Variants in MCF2L observed in about 807,000 individuals in gnomAD.
The protein encoded by MCF2L is MCF.2 cell line derived transforming sequence like.
A neutral mutation model predicts 153.4 loss-of-function variants in MCF2L; 97 were observed. The observed-to-expected ratio is 0.63, with a 90% CI of 0.54 to 0.75. The LOEUF is 0.75. MCF2L is among the 30% of genes least tolerant of loss of function. MCF2L has a pLI of 0.00. For missense variants in MCF2L, 1,347 were observed against 1,495.2 expected, an observed-to-expected ratio of 0.90 and a Z score of 1.64; for synonymous variants, 659 against 632.2, an observed-to-expected ratio of 1.04 and a Z score of -0.64.
Position 113,064,822 on chromosome 13 carries a change from C to G in MCF2L, c.607-114C>G, listed in dbSNP as rs973990748. The G allele has an allele frequency of 2.9e-5, 35 of 1,205,868 alleles. No individual in the cohort carries two copies. Among genetic ancestry groups the G allele is most frequent in the Non-Finnish European group, 3.9e-5 (34 of 866,634 alleles). 74.7% of individuals were successfully genotyped at this position (1,205,868 alleles called of 1,614,324 possible). A position where few individuals can be genotyped will look rare whatever the true frequency, so the allele number is the denominator to read the frequency against. On this transcript the variant is annotated intron_variant, in intron 6 of 29. Transcript: ENST00000535094. This position sits in a 1 kb window ranked among gnomAD's most constrained non-coding sequence, Gnocchi z 6.0. ...GGGCGTTCACCGTCTTTGCGTCAGC[C>G]GGTCTCACCTGATGGGTCTGTGTGG...
At chr13:113,096,329 C>T (rs764138312) in intron 27 of MCF2L, 42 bp from the exon 28 acceptor site, 28 of 1,437,224 alleles carry the variant, frequency 1.9e-5, no homozygotes, top group Admixed American at 3.9e-5. Flanking sequence ...GCTGCCGGGG[C>T]GGGTGCTGAC....
chr13:112,945,335 C>T (rs1265599414), intron 2 of MCF2L, among the ~76,000 whole-genome samples: 2 of 152,108 alleles, frequency 1.3e-5, no homozygotes, highest in Non-Finnish European at 2.9e-5. Context: ...ATGTATGGGC[C>T]ACCAATGCAA....
chr13:113,010,112 CA>C (rs2083983891), intron 1 of MCF2L: 1 of 143,304 alleles, frequency 7.0e-6, no homozygotes, highest in African/African-American at 2.6e-5. Context: ...GTCCACCCCC[CA>C]TACCCCCCCC....
At chr13:112,975,165 A>G (rs1355134629) in intron 1 of MCF2L, among the ~76,000 whole-genome samples, 2 of 152,218 alleles carry the variant, frequency 1.3e-5, no homozygotes, top group Non-Finnish European at 2.9e-5. Flanking sequence ...GCCTTTTGGA[A>G]TGTTTACAAG....
At position 113,014,785 on chromosome 13, in the gene MCF2L, C is replaced by T. The variant is rs139777066; in HGVS notation, c.102C>T (p.Ile34=). Residue 34 remains isoleucine, a synonymous_variant, in exon 2 of 30, where the codon ATC becomes ATT. Transcript: ENST00000535094. ...CAGATGAAATCATGCACCAGGACAT[C>T]GTCCCGCTCTGTGCTGCCGACATCC... ...KHTDEIMHQD[I]VPLCAADIQD... is the part of the protein sequence containing the mutation. 199 of 1,613,892 alleles carry T rather than the reference C, an allele frequency of 1.2e-4. 1 individual carries two copies. Among genetic ancestry groups the T allele is most frequent in the South Asian group, 5.8e-4 (53 of 91,088 alleles).
chr13:113,080,499 C>G (rs550309383), intron 15 of MCF2L, among the ~76,000 whole-genome samples: 17 of 152,352 alleles, frequency 1.1e-4, no homozygotes, highest in African/African-American at 4.1e-4. Flanking sequence ...GCTTGCTGAA[C>G]AACCTCAACC....
chr13:113,077,772 T>C (rs486849), intron 13 of MCF2L, among the ~76,000 whole-genome samples: 150,184 of 152,304 alleles, frequency 0.99, 74,089 homozygotes, highest in East Asian at 1. Context: ...CCGCCACCTC[T>C]GTGTCTCAAA....
chr13:113,078,533 C>T, intron 14 of MCF2L, 97 bp downstream of exon 14: 2 of 1,388,038 alleles, frequency 1.4e-6, no homozygotes, highest in Non-Finnish European at 2.0e-6. Flanking sequence ...GGGCACTGCC[C>T]AGCTACCTGG....
At position 113,012,002 on chromosome 13, in the gene MCF2L, C is replaced by T. The variant is rs552280919; in HGVS notation, c.80-2761C>T. 6.9e-3 allele frequency among the ~76,000 whole-genome samples: 734 copies of T among 106,776 alleles called. 45 individuals carry two copies. The highest frequency in any genetic ancestry group is 0.023 in the African/African-American group (683 of 29,806). The allele number at this position is 106,776 out of a possible 152,430, so 70.0% of individuals were successfully genotyped here. A position where few individuals can be genotyped will look rare whatever the true frequency, so the allele number is the denominator to read the frequency against. ...TGGATGGTGGACACTGCGATGAGGA[C>T]GGTGGACACTGCGATGAGGACAGTG... On this transcript the variant is annotated intron_variant, in intron 1 of 29. Transcript: ENST00000535094.
rs2140809109 is a variant in MCF2L at position 112,969,882 on chromosome 13, A to G, written c.79+424A>G. On this transcript the variant is annotated intron_variant, in intron 1 of 29. Transcript: ENST00000535094. The surrounding 1 kb of genome is among the most constrained non-coding windows in gnomAD (Gnocchi z 4.8). ...ACCTGGAAGCTCGTTTTGAGGATGA[A>G]AAAACCTGGACTAATCAGGTGGTTC... 6.6e-6 allele frequency among the ~76,000 whole-genome samples: 1 copy of G among 152,344 alleles called. No homozygotes were observed. The highest frequency in any genetic ancestry group is 1.9e-4 in the East Asian group (1 of 5,190).
intron 11 of MCF2L, 117 bp from the exon 12 acceptor site, chr13:113,075,849 C>A: frequency 1.3e-6 from 1 of 783,084 alleles, no homozygotes. Context: ...GGCGGGAGCA[C>A]GAGGAGTCGG....
At position 113,064,241 on chromosome 13, in the gene MCF2L, G is replaced by C; in HGVS notation, c.490-63G>C. 8.2e-7 allele frequency: 1 copy of C among 1,215,950 alleles called. No homozygotes were observed. The allele number at this position is 1,215,950 out of a possible 1,614,324, so 75.3% of individuals were successfully genotyped here. A position where few individuals can be genotyped will look rare whatever the true frequency, so the allele number is the denominator to read the frequency against. ...GTGCTGCTGGGTGTTCTGCTGATGG[G>C]GCAGCTCTTTTGGGAGCCAACAATA... On this transcript the variant is annotated intron_variant, in intron 5 of 29. Coordinates refer to ENST00000535094, the MANE Select transcript of MCF2L (RefSeq NM_001112732.3). This position sits in a 1 kb window ranked among gnomAD's most constrained non-coding sequence, Gnocchi z 6.0.
chr13:113,095,155 G>A, intron 27 of MCF2L: 3 of 1,280,992 alleles, frequency 2.3e-6, no homozygotes, highest in Non-Finnish European at 3.1e-6. Context: ...AACATTCATT[G>A]TTAATGTCAG....
At chr13:112,922,146 C>T (rs1036473358) in intron 2 of MCF2L, among the ~76,000 whole-genome samples, 14 of 152,198 alleles carry the variant, frequency 9.2e-5, no homozygotes, top group East Asian at 5.8e-4. Context: ...ATATAGTAGT[C>T]GACTTTGTAC....
At chr13:113,078,476 C>T in intron 14 of MCF2L, 40 bp downstream of exon 14, 2 of 1,566,648 alleles carry the variant, frequency 1.3e-6, no homozygotes, top group Non-Finnish European at 1.7e-6. Flanking sequence ...CCACACCCCC[C>T]TCCTTGGTTC....
intron 1 of MCF2L, among the ~76,000 whole-genome samples, chr13:112,975,889 G>A (rs1235002742): frequency 6.6e-6 from 1 of 151,628 alleles, no homozygotes; most frequent in Non-Finnish European, 1.5e-5. Context: ...GCTTCAGCAC[G>A]CAGCACCTCA....
chr13:112,931,705 C>T (rs1321282665), intron 2 of MCF2L, among the ~76,000 whole-genome samples: 1 of 152,078 alleles, frequency 6.6e-6, no homozygotes, highest in African/African-American at 2.4e-5. Context: ...TTAGAGAAAC[C>T]GCAGATTCCA....
intron 3 of MCF2L, among the ~76,000 whole-genome samples, chr13:113,033,188 GACCCCGTGA>G (rs2085857320): frequency 7.0e-6 from 1 of 142,894 alleles, no homozygotes; most frequent in South Asian, 2.2e-4. Context: ...GACGTGAGTG[GACCCCGTGA>G]CGTGAGTGGC....
At chr13:113,021,764 A>C (rs924046065) in intron 2 of MCF2L, among the ~76,000 whole-genome samples, 27 of 151,986 alleles carry the variant, frequency 1.8e-4, no homozygotes, top group Admixed American at 1.5e-3. Context: ...AGGTACTGGG[A>C]GCTTTGGCGC....
Sources: allele counts gnomAD v4.1 joint callset (sites outside exome capture counted in the v4.1 genomes callset), GRCh38; gene constraint gnomAD v4.1.1; non-coding constraint Gnocchi (gnomAD v3.1); transcripts MANE v1.5; gene names NCBI Gene and HGNC (gene_info 2026-07-23, HGNC 2026-07-21).